Variants in BCKDHB observed in about 807,000 individuals in gnomAD.
BCKDHB encodes 2-oxoisovalerate dehydrogenase subunit beta, mitochondrial.
In BCKDHB, 41 loss-of-function variants were observed where a neutral mutation model predicts 48.5. That is an observed-to-expected ratio of 0.85 (90% CI 0.66 to 1.10). The LOEUF (loss-of-function observed/expected upper bound fraction) is 1.10, where lower values mean the gene tolerates loss of function less well. Ranked by LOEUF, BCKDHB falls within the 50% of genes least tolerant of loss-of-function variation. The pLI is 0.00. For missense variants in BCKDHB, 496 were observed against 494.2 expected, an observed-to-expected ratio of 1.00 and a Z score of -0.03; for synonymous variants, 201 against 174.8, an observed-to-expected ratio of 1.15 and a Z score of -1.18.
chr6:80,164,371 A>ATG (rs1451413285), intron 3 of BCKDHB, among the ~76,000 whole-genome samples: 1 of 152,154 alleles, frequency 6.6e-6, no homozygotes, highest in African/African-American at 2.4e-5. Flanking sequence ...TCTCAGATAT[A>ATG]TGCATGGTAC....
At chr6:80,450,471 G>A in the BCKDHB span, among the ~76,000 whole-genome samples, 11 of 152,076 alleles carry the variant, frequency 7.2e-5, no homozygotes, top group Admixed American at 5.9e-4. Context: ...GGGGAGGGGC[G>A]CTTGTGCTTC....
chr6:80,373,047 G>A, the BCKDHB span, among the ~76,000 whole-genome samples: 1 of 152,084 alleles, frequency 6.6e-6, no homozygotes, highest in Non-Finnish European at 1.5e-5. Context: ...TTGAATGTCT[G>A]ATAAAATTCA....
At chr6:80,285,371 T>C (rs896171957) in intron 9 of BCKDHB, among the ~76,000 whole-genome samples, 3 of 152,214 alleles carry the variant, frequency 2.0e-5, no homozygotes, top group African/African-American at 4.8e-5. Context: ...TATTCTGTTA[T>C]CAATTTACCT....
chr6:80,238,383 G>A (rs781469872), intron 8 of BCKDHB, among the ~76,000 whole-genome samples: 5 of 152,150 alleles, frequency 3.3e-5, no homozygotes, highest in South Asian at 2.1e-4. Context: ...ACAGGCGTGA[G>A]CCATCCTGCC....
At chr6:80,370,692 T>A in the BCKDHB span, among the ~76,000 whole-genome samples, 4 of 152,138 alleles carry the variant, frequency 2.6e-5, no homozygotes, top group Non-Finnish European at 4.4e-5. Context: ...AATAATGGTC[T>A]CCAATTCATT....
the BCKDHB span, among the ~76,000 whole-genome samples, chr6:80,391,088 C>T: frequency 6.6e-6 from 1 of 152,116 alleles, no homozygotes; most frequent in South Asian, 2.1e-4. Flanking sequence ...AGTTTGCCAA[C>T]AGCCAAGCAG....
intron 9 of BCKDHB, among the ~76,000 whole-genome samples, chr6:80,277,429 T>C (rs996784586): frequency 6.6e-6 from 1 of 152,016 alleles, no homozygotes; most frequent in Middle Eastern, 3.2e-3. Flanking sequence ...TAAGACCAAA[T>C]AGTTTATGGT....
chr6:80,404,532 A>T, the BCKDHB span, among the ~76,000 whole-genome samples: 1 of 151,314 alleles, frequency 6.6e-6, no homozygotes, highest in Non-Finnish European at 1.5e-5. Flanking sequence ...AGTTTCATTG[A>T]TCATTTCTGT....
chr6:80,281,356 G>C (rs1778186715), intron 9 of BCKDHB, among the ~76,000 whole-genome samples: 1 of 152,162 alleles, frequency 6.6e-6, no homozygotes, highest in Non-Finnish European at 1.5e-5. Flanking sequence ...GAGTAGGAGA[G>C]AGCCATTACA....
chr6:80,258,726 A>C (rs1440050233), intron 8 of BCKDHB, among the ~76,000 whole-genome samples: 2 of 151,502 alleles, frequency 1.3e-5, no homozygotes, highest in Non-Finnish European at 1.5e-5. Flanking sequence ...GTATTCCTTG[A>C]TGTATTATTT....
chr6:80,275,734 T>C (rs1435285021), intron 9 of BCKDHB, among the ~76,000 whole-genome samples: 1 of 151,908 alleles, frequency 6.6e-6, no homozygotes, highest in Admixed American at 6.6e-5. Context: ...TAATAAAATA[T>C]ACCTTTCAGT....
chr6:80,228,952 G>T (rs970407371), intron 8 of BCKDHB, among the ~76,000 whole-genome samples: 2 of 152,188 alleles, frequency 1.3e-5, no homozygotes, highest in African/African-American at 2.4e-5. Flanking sequence ...CCTCAGGTAT[G>T]CCTGAACATG....
At chr6:80,146,032 T>C (rs1771468695) in intron 3 of BCKDHB, among the ~76,000 whole-genome samples, 1 of 152,124 alleles carries the variant, frequency 6.6e-6, no homozygotes, top group Non-Finnish European at 1.5e-5. Context: ...GCTACAACAC[T>C]GTTTGCTTCA....
downstream of BCKDHB, among the ~76,000 whole-genome samples, chr6:80,350,223 T>A (rs927021858): frequency 1.3e-5 from 2 of 152,058 alleles, no homozygotes; most frequent in African/African-American, 4.8e-5. Flanking sequence ...TCAGCTAAGA[T>A]TCTACTCAGA....
At chr6:80,163,491 A>C (rs1772424370) in intron 3 of BCKDHB, among the ~76,000 whole-genome samples, 1 of 149,298 alleles carries the variant, frequency 6.7e-6, no homozygotes. Flanking sequence ...TTTCCTCCAA[A>C]CTCTGGCTTG....
intron 2 of BCKDHB, among the ~76,000 whole-genome samples, chr6:80,128,872 CTGTGTGTGTGTGTGTG>C (rs60116640): frequency 6.8e-6 from 1 of 147,422 alleles, no homozygotes; most frequent in Non-Finnish European, 1.5e-5. Context: ...GTTGTCTCAA[CTGTGTGTGTGTGTGTG>C]TGTGTGTGTG....
chr6:80,452,082 G>T, the BCKDHB span, among the ~76,000 whole-genome samples: 15 of 152,176 alleles, frequency 9.9e-5, no homozygotes, highest in Admixed American at 2.6e-4. Flanking sequence ...ACCCCAGGTT[G>T]CTGGAGTGGT....
intron 8 of BCKDHB, among the ~76,000 whole-genome samples, chr6:80,232,156 G>C (rs1775952922): frequency 1.3e-5 from 2 of 152,062 alleles, no homozygotes; most frequent in Non-Finnish European, 2.9e-5. Context: ...CAGCATCCCT[G>C]GATTTTGGAT....
Position 80,346,028 on chromosome 6 carries a change from T to A in BCKDHB, c.*2224T>A, listed in dbSNP as rs1037438345. 6.6e-5 allele frequency: 10 copies of A among 152,214 alleles called. No individual in the cohort carries two copies. Among genetic ancestry groups the A allele is most frequent in the African/African-American group, 1.9e-4 (8 of 41,466 alleles). The allele number at this position is 152,214 out of a possible 1,614,324, so 9.4% of individuals were successfully genotyped here. A position where few individuals can be genotyped will look rare whatever the true frequency, so the allele number is the denominator to read the frequency against. On this transcript the variant is annotated 3_prime_UTR_variant, in exon 10 of 10. Coordinates refer to ENST00000320393, the MANE Select transcript of BCKDHB (RefSeq NM_183050.4). ...GAAATATTTTTTCTGAATTTTTTTT[T>A]ATATTTCCTCCGACTTACCTCTTTT...
Sources: allele counts gnomAD v4.1 joint callset (sites outside exome capture counted in the v4.1 genomes callset), GRCh38; gene constraint gnomAD v4.1.1; transcripts MANE v1.5; gene names NCBI Gene and HGNC (gene_info 2026-07-23, HGNC 2026-07-21).